MRPL13: variants seen among roughly 807,000 people sequenced by gnomAD.
MRPL13 encodes mitochondrial ribosomal protein L13, also known as large ribosomal subunit protein uL13m.
A neutral mutation model predicts 29.0 loss-of-function variants in MRPL13; 33 were observed. That is an observed-to-expected ratio of 1.14 (90% CI 0.86 to 1.52). The LOEUF (loss-of-function observed/expected upper bound fraction) is 1.52, where lower values mean the gene tolerates loss of function less well. Ranked by LOEUF, MRPL13 falls within the 40% of genes most tolerant of loss-of-function variation. The pLI, the probability that MRPL13 is intolerant of heterozygous loss-of-function variation, is 0.00. For missense variants in MRPL13, 227 were observed against 216.7 expected, an observed-to-expected ratio of 1.05 and a Z score of -0.30; for synonymous variants, 77 against 68.4, an observed-to-expected ratio of 1.13 and a Z score of -0.62.
At chr8:120,398,403 G>A (rs75613204) in intron 6 of MRPL13, among the ~76,000 whole-genome samples, 2,087 of 152,214 alleles carry the variant, frequency 0.014, 42 homozygotes, top group African/African-American at 0.046. Flanking sequence ...ACAGTCCTAC[G>A]GAAAAGTGGT....
chr8:120,417,726 A>G (rs1390703170), intron 5 of MRPL13, among the ~76,000 whole-genome samples: 1 of 152,052 alleles, frequency 6.6e-6, no homozygotes, highest in Non-Finnish European at 1.5e-5. Context: ...ATTTTCTGTT[A>G]CTTTCTATTA....
At chr8:120,414,215 C>A in intron 5 of MRPL13, 103 bp from the exon 6 acceptor site, 5 of 885,270 alleles carry the variant, frequency 5.6e-6, no homozygotes, top group South Asian at 4.7e-5. Flanking sequence ...AAAGAATGCT[C>A]GTAGAATAAG....
At chr8:120,444,572 T>C (rs1254045664) in intron 1 of MRPL13, among the ~76,000 whole-genome samples, 1 of 152,166 alleles carries the variant, frequency 6.6e-6, no homozygotes, top group Non-Finnish European at 1.5e-5. Context: ...CCATCACGTC[T>C]CGCCTGGATT....
chr8:120,405,155 A>C (rs1028999043), intron 6 of MRPL13, among the ~76,000 whole-genome samples: 8 of 152,218 alleles, frequency 5.3e-5, no homozygotes, highest in African/African-American at 1.9e-4. Context: ...ATCAACTCAT[A>C]CTGGAGGCAA....
intron 4 of MRPL13, among the ~76,000 whole-genome samples, chr8:120,421,146 C>G (rs1221330534): frequency 6.6e-6 from 1 of 151,186 alleles, no homozygotes; most frequent in Non-Finnish European, 1.5e-5. Flanking sequence ...AATCTATATC[C>G]CAGGGTACGT....
intron 6 of MRPL13, among the ~76,000 whole-genome samples, chr8:120,412,405 A>C (rs1812749322): frequency 6.6e-6 from 1 of 152,236 alleles, no homozygotes; most frequent in Non-Finnish European, 1.5e-5. Context: ...AAACTTAGTC[A>C]ACACTTCAAG....
chr8:120,414,168 A>C, intron 5 of MRPL13, 56 bp from the exon 6 acceptor site: 10 of 1,261,766 alleles, frequency 7.9e-6, no homozygotes, highest in Non-Finnish European at 1.0e-5. Flanking sequence ...CTTAGCAATA[A>C]ATTACTAATA....
chr8:120,401,390 G>A (rs149639927), intron 6 of MRPL13, among the ~76,000 whole-genome samples: 21 of 152,166 alleles, frequency 1.4e-4, no homozygotes, highest in East Asian at 5.8e-4. Flanking sequence ...TAAAAAGAAC[G>A]AAAGACATAA....
Position 120,422,565 on chromosome 8 carries a change from TATATATATAAAC to T in MRPL13, c.307-2639_307-2628del, listed in dbSNP as rs1039146818. On this transcript the variant is annotated intron_variant, in intron 4 of 6. Coordinates refer to ENST00000306185, the MANE Select transcript of MRPL13 (RefSeq NM_014078.6). The stretch of plus-strand genomic sequence containing the variant: ...TGAGAGGTCATTTAATATATGGAAA[TATATATATAAAC>T]ATATATATAAACATATATAAACATA... Among the ~76,000 whole-genome samples the T allele has an allele frequency of 4.5e-4, 67 of 148,604 alleles. 1 individual carries two copies. Among genetic ancestry groups the T allele is most frequent in the East Asian group, 7.8e-4 (4 of 5,148 alleles).
Position 120,445,123 on chromosome 8 carries a change from T to A in MRPL13, c.-29A>T. The stretch of plus-strand genomic sequence containing the variant: ...CCTCTACTAGCAGGACCGTACGTCC[T>A]TCTCCTAGTAGCCACGCCGGGTCAC... On this transcript the variant is annotated 5_prime_UTR_variant, in exon 1 of 7. The change creates a new upstream start codon in the 5' untranslated region. Transcript: ENST00000306185. 1 of 1,613,906 alleles carries A rather than the reference T, an allele frequency of 6.2e-7. No individual in the cohort carries two copies. Among genetic ancestry groups the A allele is most frequent in the Non-Finnish European group, 8.5e-7 (1 of 1,179,904 alleles).
intron 4 of MRPL13, among the ~76,000 whole-genome samples, chr8:120,420,485 T>C (rs1271529066): frequency 6.8e-6 from 1 of 147,538 alleles, no homozygotes; most frequent in Non-Finnish European, 1.5e-5. Flanking sequence ...TAAATATATA[T>C]AAAATATATA....
intron 6 of MRPL13, among the ~76,000 whole-genome samples, chr8:120,407,809 A>G (rs1812693248): frequency 6.6e-6 from 1 of 152,170 alleles, no homozygotes; most frequent in African/African-American, 2.4e-5. Context: ...AATCTCAAAA[A>G]AATTTTTTTC....
At chr8:120,417,134 T>C (rs1369988912) in intron 5 of MRPL13, among the ~76,000 whole-genome samples, 3 of 152,222 alleles carry the variant, frequency 2.0e-5, no homozygotes, top group African/African-American at 7.2e-5. Context: ...TGTTCCATGA[T>C]TACATTCAGG....
intron 6 of MRPL13, among the ~76,000 whole-genome samples, chr8:120,409,041 T>A (rs1332597068): frequency 6.6e-6 from 1 of 152,174 alleles, no homozygotes; most frequent in Non-Finnish European, 1.5e-5. Context: ...CATACTTCCT[T>A]GTCTTCATCC....
At chr8:120,407,470 C>A (rs1012148479) in intron 6 of MRPL13, among the ~76,000 whole-genome samples, 27 of 151,874 alleles carry the variant, frequency 1.8e-4, no homozygotes, top group Admixed American at 7.2e-4. Context: ...CATGGTGAAA[C>A]CCAGTCTCTA....
chr8:120,444,939 C>T, intron 1 of MRPL13, 129 bp downstream of exon 1: 1 of 1,242,008 alleles, frequency 8.1e-7, no homozygotes, highest in Non-Finnish European at 1.2e-6. Context: ...TTGTGCTTTC[C>T]CAAGTCACCT....
At chr8:120,432,907 AAAAC>A in intron 2 of MRPL13, among the ~76,000 whole-genome samples, 1 of 152,214 alleles carries the variant, frequency 6.6e-6, no homozygotes, top group African/African-American at 2.4e-5. Flanking sequence ...ACTAATAGAA[AAAAC>A]AAACCAAGAT....
chr8:120,419,283 G>C (rs1019261366), intron 5 of MRPL13, among the ~76,000 whole-genome samples: 9 of 151,860 alleles, frequency 5.9e-5, no homozygotes, highest in Admixed American at 3.9e-4. Context: ...TTTTATTATA[G>C]AAGCTTTAAT....
At chr8:120,417,969 A>G (rs928107053) in intron 5 of MRPL13, among the ~76,000 whole-genome samples, 2 of 152,084 alleles carry the variant, frequency 1.3e-5, no homozygotes, top group Admixed American at 1.3e-4. Flanking sequence ...ATTAACATAA[A>G]AAATAAATTT....
Sources: gnomAD v4.1 joint callset for allele counts (sites outside exome capture counted in the v4.1 genomes callset) on GRCh38, gnomAD v4.1.1 for gene constraint, MANE v1.5 for transcripts, NCBI Gene and HGNC (gene_info 2026-07-23, HGNC 2026-07-21) for gene names.